FBXO36: variants seen among roughly 807,000 people sequenced by gnomAD.
FBXO36 encodes the protein F-box protein 36.
FBXO36 carries 18 observed loss-of-function variants against 17.0 expected under a neutral mutation model. The ratio of observed to expected loss-of-function variants is 1.06; its 90% CI spans 0.73 to 1.57. The LOEUF (loss-of-function observed/expected upper bound fraction) is 1.57, where lower values mean the gene tolerates loss of function less well. FBXO36 is among the 40% of genes most tolerant of loss of function. FBXO36 has a pLI of 0.00. For synonymous variants in FBXO36, 83 were observed against 85.3 expected, an observed-to-expected ratio of 0.97 and a Z score of 0.15; for missense variants, 229 against 221.9, an observed-to-expected ratio of 1.03 and a Z score of -0.20.
At chr2:229,985,882 A>G (rs181478578) in intron 2 of FBXO36, among the ~76,000 whole-genome samples, 9 of 152,050 alleles carry the variant, frequency 5.9e-5, no homozygotes, top group Admixed American at 5.9e-4. Flanking sequence ...GACACTGTCT[A>G]TACAAAATTA....
At chr2:229,934,851 C>T (rs536375219) in intron 1 of FBXO36, among the ~76,000 whole-genome samples, 13 of 151,976 alleles carry the variant, frequency 8.6e-5, no homozygotes, top group Admixed American at 4.6e-4. Context: ...GATGGGGTTT[C>T]GCCACGTTGG....
intron 1 of FBXO36, among the ~76,000 whole-genome samples, chr2:229,939,616 AAG>A (rs1044880989): frequency 1.3e-5 from 2 of 152,060 alleles, no homozygotes; most frequent in African/African-American, 4.8e-5. Context: ...GCCTCAAAAA[AAG>A]AGAGAGAAAT....
chr2:229,928,967 C>G (rs1480661054), intron 1 of FBXO36, among the ~76,000 whole-genome samples: 1 of 78,322 alleles, frequency 1.3e-5, no homozygotes, highest in Non-Finnish European at 2.4e-5. Context: ...ACCTTTTTTT[C>G]TTTTCATTTT....
chr2:229,992,312 C>T (rs2077301945), intron 2 of FBXO36, among the ~76,000 whole-genome samples: 1 of 152,076 alleles, frequency 6.6e-6, no homozygotes, highest in Admixed American at 6.6e-5. Flanking sequence ...TGCCCGCCTC[C>T]ATGCCCAGCT....
chr2:229,944,767 G>A (rs943915606), intron 1 of FBXO36, among the ~76,000 whole-genome samples: 2 of 151,476 alleles, frequency 1.3e-5, no homozygotes, highest in Non-Finnish European at 2.9e-5. Context: ...TAATTTTTTT[G>A]TATTTTTAGT....
intron 1 of FBXO36, among the ~76,000 whole-genome samples, chr2:229,932,504 G>A (rs1034919815): frequency 7.9e-5 from 12 of 151,544 alleles, no homozygotes; most frequent in Non-Finnish European, 1.8e-4. Flanking sequence ...TAGGCAAGAA[G>A]AGTGAAACTT....
chr2:229,952,157 A>G (rs1018152887), intron 1 of FBXO36, among the ~76,000 whole-genome samples: 5 of 152,146 alleles, frequency 3.3e-5, no homozygotes, highest in African/African-American at 1.2e-4. Context: ...TATCATAACC[A>G]GACTGCAGGC....
At chr2:229,933,901 G>T (rs1476380063) in intron 1 of FBXO36, among the ~76,000 whole-genome samples, 5 of 151,950 alleles carry the variant, frequency 3.3e-5, no homozygotes, top group African/African-American at 4.8e-5. Context: ...GGCCAGGCTG[G>T]TCTCGAACTC....
chr2:229,971,226 G>A (rs1383278387), intron 1 of FBXO36, among the ~76,000 whole-genome samples: 1 of 151,980 alleles, frequency 6.6e-6, no homozygotes, highest in Non-Finnish European at 1.5e-5. Context: ...ATGGTGGTGA[G>A]CGCCTGTGAT....
At chr2:229,945,658 C>T (rs979397198) in intron 1 of FBXO36, among the ~76,000 whole-genome samples, 1 of 151,822 alleles carries the variant, frequency 6.6e-6, no homozygotes, top group Admixed American at 6.6e-5. Flanking sequence ...ACCTGGATTT[C>T]CTTCTGTGTT....
chr2:229,949,793 C>T (rs557211385), intron 1 of FBXO36, among the ~76,000 whole-genome samples: 16 of 152,018 alleles, frequency 1.1e-4, no homozygotes, highest in African/African-American at 1.9e-4. Context: ...GGCGTGGTGG[C>T]GGGCGCCTGT....
At chr2:229,974,702 T>A (rs1482797221) in intron 1 of FBXO36, among the ~76,000 whole-genome samples, 1 of 152,150 alleles carries the variant, frequency 6.6e-6, no homozygotes, top group African/African-American at 2.4e-5. Flanking sequence ...GCTGGAAGGA[T>A]CACTGACTGT....
At chr2:229,984,131 C>T (rs1358916103) in intron 2 of FBXO36, among the ~76,000 whole-genome samples, 2 of 151,956 alleles carry the variant, frequency 1.3e-5, no homozygotes, top group African/African-American at 2.4e-5. Flanking sequence ...GGGTGGATCC[C>T]GAGGTCAAGA....
At chr2:230,005,353 G>T (rs1051713017) in intron 3 of FBXO36, among the ~76,000 whole-genome samples, 2 of 151,908 alleles carry the variant, frequency 1.3e-5, no homozygotes, top group African/African-American at 4.8e-5. Context: ...CTCCTGCCTC[G>T]GCCTTCCAAA....
In FBXO36 at chr2:229,922,513, G is replaced by C; in HGVS notation, c.-1G>C. 6.2e-7 allele frequency: 1 copy of C among 1,613,994 alleles called. No homozygotes were observed. Among genetic ancestry groups the C allele is most frequent in the African/African-American group, 1.3e-5 (1 of 75,054 alleles). On this transcript the variant is annotated 5_prime_UTR_variant, in exon 1 of 4. Transcript: ENST00000283946. Reference sequence around the variant, plus strand: ...CTTAGCGACGGCGGTGGCGTCCCAAGATGGCGTCGTGGCTGCCGGAGACTC... The same window carrying C: ...CTTAGCGACGGCGGTGGCGTCCCAACATGGCGTCGTGGCTGCCGGAGACTC...
chr2:230,005,697 T>C (rs943874469), intron 3 of FBXO36, among the ~76,000 whole-genome samples: 19 of 152,222 alleles, frequency 1.2e-4, no homozygotes, highest in African/African-American at 4.6e-4. Flanking sequence ...AGATGGAGTC[T>C]CACTCTGTTA....
In FBXO36 at chr2:229,996,805, G is replaced by A. The variant is rs766599623; in HGVS notation, c.260G>A (p.Cys87Tyr). The change falls in exon 3 of 4, where the codon TGC (cysteine) becomes TAC (tyrosine). Residue 87 changes from cysteine to tyrosine, a missense_variant. By Grantham distance (194) the Cys-to-Tyr change is radical. Transcript: ENST00000283946. ...ATATTAGACTATGTCATCAATTTGT[G>A]CAAAGGTAAATTTGACTTCCTTGAA... Reference protein sequence around the residue: ...ARILDYVINLCKGKFDFLERL... With the variant: ...ARILDYVINLYKGKFDFLERL... 6.2e-7 allele frequency: 1 copy of A among 1,613,578 alleles called. No homozygotes were observed. Among genetic ancestry groups the A allele is most frequent in the Non-Finnish European group, 8.5e-7 (1 of 1,179,986 alleles).
At position 230,011,737 on chromosome 2, in the gene FBXO36, T is replaced by C. The variant is rs2077417363; in HGVS notation, c.*853T>C. On this transcript the variant is annotated 3_prime_UTR_variant, in exon 4 of 4. Coordinates refer to ENST00000283946, the MANE Select transcript of FBXO36 (RefSeq NM_174899.5). ...TGCTGGGATTACAGGCATGAGCCAC[T>C]ATGTCTGGCTAAAACCTATAAACAT... 1 of 151,904 alleles carries C rather than the reference T, an allele frequency of 6.6e-6. No individual in the cohort carries two copies. The highest frequency in any genetic ancestry group is 2.1e-4 in the South Asian group (1 of 4,828). The allele number at this position is 151,904 out of a possible 1,614,324, so 9.4% of individuals were successfully genotyped here.
chr2:229,929,175 C>A (rs1358139541), intron 1 of FBXO36, among the ~76,000 whole-genome samples: 1 of 151,064 alleles, frequency 6.6e-6, no homozygotes, highest in Non-Finnish European at 1.5e-5. Context: ...CTCAAGTAAT[C>A]CGCCCGCCTC....
Sources: allele counts gnomAD v4.1 joint callset (sites outside exome capture counted in the v4.1 genomes callset), GRCh38; gene constraint gnomAD v4.1.1; transcripts MANE v1.5; gene names NCBI Gene and HGNC (gene_info 2026-07-23, HGNC 2026-07-21).